ANO9: variants seen among roughly 807,000 people sequenced by gnomAD.
The protein encoded by ANO9 is anoctamin-9.
ANO9 carries 80 observed loss-of-function variants against 100.5 expected under a neutral mutation model. The ratio of observed to expected loss-of-function variants is 0.80; its 90% CI spans 0.66 to 0.96. The LOEUF is 0.96. ANO9 is among the 40% of genes least tolerant of loss of function. The pLI is 0.00. For missense variants in ANO9, 1,064 were observed against 1,072.7 expected (o/e 0.99, Z 0.11); for synonymous variants, 473 against 435.6 (o/e 1.09, Z -1.07).
At position 428,096 on chromosome 11, in the gene ANO9, G is replaced by A; in HGVS notation, c.1326C>T (p.Ile442=). The A allele has an allele frequency of 6.2e-7, 1 of 1,607,398 alleles. No homozygotes were observed. The highest frequency in any genetic ancestry group is 8.5e-7 in the Non-Finnish European group (1 of 1,178,410). Reference sequence around the variant, plus strand: ...CCTGGCGCCGGCCCTACCTGCCCAGGATGAAGGCGATGTAGATGAGAGACG... The same window carrying A: ...CCTGGCGCCGGCCCTACCTGCCCAGAATGAAGGCGATGTAGATGAGAGACG... ...HFSSLIYIAF[I]LGRINGHPGK... is the part of the protein sequence containing the mutation. Residue 442 remains isoleucine, a synonymous_variant, in exon 15 of 23, where the codon ATC becomes ATT. Transcript: ENST00000332826.
intron 9 of ANO9, 95 bp downstream of exon 9, chr11:429,988 C>T (rs1848790736): frequency 1.4e-6 from 2 of 1,432,966 alleles, no homozygotes; most frequent in Non-Finnish European, 1.9e-6. Context: ...AGCTGAGCAG[C>T]TCTGCAGGGC....
rs747919911 is a variant in ANO9, at chr11:420,455, G to C, written c.1786+8C>G. 39 of 1,600,490 alleles carry C rather than the reference G, an allele frequency of 2.4e-5. No homozygotes were observed. The South Asian group carries it at 2.6e-4, about 11-fold the overall frequency. On this transcript the variant is annotated splice_region_variant and intron_variant, in intron 19 of 22. Transcript: ENST00000332826. ...GTTCCCGCCCATCCTGCGCCCGCCC[G>C]GTCTGACCGATGTCCTTGGCCTTGC... is the stretch of plus-strand genomic sequence containing the variant.
At position 432,754 on chromosome 11, in the gene ANO9, C is replaced by G. The variant is rs1031826706; in HGVS notation, c.350+560G>C. On this transcript the variant is annotated intron_variant, in intron 4 of 22. Transcript: ENST00000332826. The surrounding 1 kb of genome is among the most constrained non-coding windows in gnomAD (Gnocchi z 4.8). ...CCAGGAGTGTCCTTGGCCGGTCCACCAAGCAGGCCCTGGCTGAGCCCTGCG... is the reference window on the plus strand; with the variant it reads ...CCAGGAGTGTCCTTGGCCGGTCCACGAAGCAGGCCCTGGCTGAGCCCTGCG... The G allele has an allele frequency of 5.2e-5, 8 of 155,178 alleles. No individual in the cohort carries two copies. Among genetic ancestry groups the G allele is most frequent in the African/African-American group, 1.9e-4 (8 of 41,490 alleles). The allele number at this position is 155,178 out of a possible 1,614,324, so 9.6% of individuals were successfully genotyped here. A position where few individuals can be genotyped will look rare whatever the true frequency, so the allele number is the denominator to read the frequency against.
Position 428,739 on chromosome 11 carries a change from C to G in ANO9, c.1003G>C (p.Val335Leu). ...HSYLRSTVIL[V>L]LTLLMICLMI... ...CTGCGTACCATGAGCAGGGTCAGGA[C>G]GAGGATGACGGTGCTGCGTAGGTAG... The change falls in exon 12 of 23, where the codon GTC becomes CTC. Residue 335 changes from valine to leucine, a missense_variant. Val to Leu is a conservative substitution (Grantham distance 32). Coordinates refer to ENST00000332826, the MANE Select transcript of ANO9 (RefSeq NM_001012302.3). The G allele has an allele frequency of 6.2e-7, 1 of 1,613,280 alleles. No homozygotes were observed. The highest frequency in any genetic ancestry group is 8.5e-7 in the Non-Finnish European group (1 of 1,179,944).
chr11:428,464 C>G lies in ANO9; in HGVS notation c.1185+11G>C, dbSNP rs755149360. ...CCCCCCAGCTCGGGCCTGCCCTGCT[C>G]CCGGCCCCACCTTGGTCATGATGAT... On this transcript the variant is annotated intron_variant, in intron 13 of 22. Coordinates refer to ENST00000332826, the MANE Select transcript of ANO9 (RefSeq NM_001012302.3). The G allele has an allele frequency of 1.2e-6, 2 of 1,612,372 alleles. No individual in the cohort carries two copies. Among genetic ancestry groups the G allele is most frequent in the Non-Finnish European group, 8.5e-7 (1 of 1,179,724 alleles).
At position 429,612 on chromosome 11, in the gene ANO9, G is replaced by A. The variant is rs754754958; in HGVS notation, c.873C>T (p.Arg291=). ...FLEIWKRQRA[R]VVLHWDLYVW... ...CGTACAGGTCCCAGTGCAGGACCACGCGGGCGCGCTGCCGCTTCCAGATCT... is the reference window on the plus strand; with the variant it reads ...CGTACAGGTCCCAGTGCAGGACCACACGGGCGCGCTGCCGCTTCCAGATCT... The change falls in exon 11 of 23, where the codon CGC becomes CGT. Residue 291 remains arginine, a synonymous_variant. Transcript: ENST00000332826. 1.2e-6 allele frequency: 2 copies of A among 1,612,606 alleles called. No homozygotes were observed. Among genetic ancestry groups the A allele is most frequent in the Non-Finnish European group, 1.7e-6 (2 of 1,179,866 alleles).
chr11:425,716 T>TG (rs1564912135), intron 15 of ANO9, among the ~76,000 whole-genome samples: 2 of 150,406 alleles, frequency 1.3e-5, no homozygotes, highest in South Asian at 2.1e-4. Flanking sequence ...TTTTGTTTTT[T>TG]GTTTTTTGTT....
At chr11:437,059 T>TGGGGGTGAGCA (rs1845400578) in intron 1 of ANO9, among the ~76,000 whole-genome samples, 1 of 64,516 alleles carries the variant, frequency 1.6e-5, no homozygotes, top group East Asian at 8.5e-4. Flanking sequence ...GGGGGTGAGC[T>TGGGGGTGAGCA]GGGGGTGAAT....
At chr11:434,981 C>A (rs979401342) in intron 1 of ANO9, among the ~76,000 whole-genome samples, 1 of 152,212 alleles carries the variant, frequency 6.6e-6, no homozygotes, top group African/African-American at 2.4e-5. Flanking sequence ...TCCAGAAAGT[C>A]TCACTTGACT....
In ANO9 at chr11:418,473, A is replaced by G. The variant is rs1201080525; in HGVS notation, c.2247T>C (p.His749=). The part of the protein sequence containing the change: ...KYQRLREKMW[H]GRQRLGGVGA... ...CCACCCCACCCAGCCTCTGCCTTCC[A>G]TGCCACATCTTCTCACGCAGCCTCT... The change falls in exon 23 of 23, where the codon CAT becomes CAC. Residue 749 remains histidine (H), a synonymous_variant. Transcript: ENST00000332826. 6 of 1,612,924 alleles carry G rather than the reference A, an allele frequency of 3.7e-6. No individual in the cohort carries two copies. Among genetic ancestry groups the G allele is most frequent in the East Asian group, 2.2e-5 (1 of 44,894 alleles).
chr11:419,091 T>TG, intron 20 of ANO9, 102 bp from the exon 21 acceptor site: 1 of 1,566,300 alleles, frequency 6.4e-7, no homozygotes. Context: ...AACAGTGAGG[T>TG]GGGGGCCACG....
intron 1 of ANO9, among the ~76,000 whole-genome samples, chr11:439,039 G>A (rs59379217): frequency 0.57 from 87,270 of 152,152 alleles, 25,203 homozygotes; most frequent in Middle Eastern, 0.66. Flanking sequence ...TGACGCCACC[G>A]AAACACCCCA....
intron 9 of ANO9, 98 bp from the exon 10 acceptor site, chr11:429,916 G>A (rs1170285751): frequency 4.0e-6 from 5 of 1,242,760 alleles, no homozygotes; most frequent in Non-Finnish European, 5.6e-6. Flanking sequence ...GAAGGGGGCA[G>A]GTGGGCTGAG....
Position 431,774 on chromosome 11 carries a change from C to T in ANO9, c.466-7G>A, listed in dbSNP as rs759316902. 9.3e-6 allele frequency: 15 copies of T among 1,612,408 alleles called. No individual in the cohort carries two copies. Among genetic ancestry groups the T allele is most frequent in the African/African-American group, 4.0e-5 (3 of 74,808 alleles). On this transcript the variant is annotated splice_region_variant and splice_polypyrimidine_tract_variant and intron_variant, in intron 6 of 22. Coordinates refer to ENST00000332826, the MANE Select transcript of ANO9 (RefSeq NM_001012302.3). ...TCTTCAGGCGTCCCTCCCCCTGGCT[C>T]GGGTGACAGAGAGTGAGAGCCCCCA...
Position 419,701 on chromosome 11 carries a change from G to C in ANO9, c.1815C>G (p.Ile605Met), listed in dbSNP as rs760927187. 6.2e-7 allele frequency: 1 copy of C among 1,605,858 alleles called. No individual in the cohort carries two copies. Among genetic ancestry groups the C allele is most frequent in the Non-Finnish European group, 8.5e-7 (1 of 1,177,934 alleles). The change falls in exon 20 of 23, where the codon ATC becomes ATG. Residue 605 changes from isoleucine (I) to methionine (M), a missense_variant. Ile to Met is a conservative substitution (Grantham distance 10). Coordinates refer to ENST00000332826, the MANE Select transcript of ANO9 (RefSeq NM_001012302.3). ...CATTGGCAATGACCGCCAGCACACC[G>C]ATGGTCTCCAGCACCTGCAGCCAGG... ...IGTWLQVLET[I>M]GVLAVIANGM...
chr11:432,137 G>A lies in ANO9; in HGVS notation c.351-83C>T, dbSNP rs984750498. The A allele has an allele frequency of 8.1e-6, 12 of 1,478,360 alleles. No homozygotes were observed. The Admixed American group carries it at 1.1e-4, about 13-fold the overall frequency. 91.6% of individuals were successfully genotyped at this position (1,478,360 alleles called of 1,614,324 possible). ...TCAACCTGCCCTCTGGTCTGGCCAG[G>A]CCCAGGCCCCTCCCTGTCCTGGCAG... On this transcript the variant is annotated intron_variant, in intron 4 of 22. Coordinates refer to ENST00000332826, the MANE Select transcript of ANO9 (RefSeq NM_001012302.3). The surrounding 1 kb of genome is among the most constrained non-coding windows in gnomAD (Gnocchi z 4.8).
chr11:421,989 G>A lies in ANO9; in HGVS notation c.1335-791C>T, dbSNP rs1365064853. On this transcript the variant is annotated intron_variant, in intron 15 of 22. Coordinates refer to ENST00000332826, the MANE Select transcript of ANO9 (RefSeq NM_001012302.3). The surrounding 1 kb of genome is among the most constrained non-coding windows in gnomAD (Gnocchi z 6.8). ...TGACTCTTTTAGAAAACATGATTAT[G>A]TACCTGGAAAATCAAAATAAAACAA... 1.3e-5 allele frequency among the ~76,000 whole-genome samples: 2 copies of A among 152,172 alleles called. No individual in the cohort carries two copies. Among genetic ancestry groups the A allele is most frequent in the Non-Finnish European group, 1.5e-5 (1 of 68,032 alleles).
At position 441,988 on chromosome 11, in the gene ANO9, G is replaced by C; in HGVS notation, c.-62C>G. The C allele has an allele frequency of 6.3e-7, 1 of 1,583,388 alleles. No homozygotes were observed. Among genetic ancestry groups the C allele is most frequent in the Non-Finnish European group, 8.5e-7 (1 of 1,171,540 alleles). The stretch of plus-strand genomic sequence containing the variant: ...GCCAGGAGAGTGGCTGCCAGCGGCG[G>C]GTGCTCCTACCTGACTTCCGCGTGG... On this transcript the variant is annotated 5_prime_UTR_variant, in exon 1 of 23. Transcript: ENST00000332826.
chr11:432,171 G>T lies in ANO9; in HGVS notation c.351-117C>A. ...CCTCCCTGTCCTGGCAGAGCCCCCA[G>T]CCTGCCAGCCCTGACCAGAGCCCAG... is the stretch of plus-strand genomic sequence containing the variant. On this transcript the variant is annotated intron_variant, in intron 4 of 22. Coordinates refer to ENST00000332826, the MANE Select transcript of ANO9 (RefSeq NM_001012302.3). The surrounding 1 kb of genome is among the most constrained non-coding windows in gnomAD (Gnocchi z 4.8). 8.8e-7 allele frequency: 1 copy of T among 1,139,732 alleles called. No individual in the cohort carries two copies. The highest frequency in any genetic ancestry group is 1.3e-6 in the Non-Finnish European group (1 of 790,798). 70.6% of individuals were successfully genotyped at this position (1,139,732 alleles called of 1,614,324 possible).
Sources: allele counts gnomAD v4.1 joint callset (sites outside exome capture counted in the v4.1 genomes callset), GRCh38; gene constraint gnomAD v4.1.1; non-coding constraint Gnocchi (gnomAD v3.1); transcripts MANE v1.5; gene names NCBI Gene and HGNC (gene_info 2026-07-23, HGNC 2026-07-21).